USP34: variants seen among roughly 807,000 people sequenced by gnomAD.
USP34 encodes ubiquitin carboxyl-terminal hydrolase 34.
USP34 carries 70 observed loss-of-function variants against 460.3 expected under a neutral mutation model. The ratio of observed to expected loss-of-function variants is 0.15; its 90% CI spans 0.13 to 0.19. The LOEUF is 0.19. USP34 is among the 10% of genes least tolerant of loss of function. The pLI, the probability that USP34 is intolerant of heterozygous loss-of-function variation, is 1.00. For missense variants in USP34, 3,985 were observed against 4,236.2 expected (o/e 0.94, Z 1.65); for synonymous variants, 1,647 against 1,405.3 (o/e 1.17, Z -3.85).
At chr2:61,387,210 A>C (rs2442033) in intron 5 of USP34, among the ~76,000 whole-genome samples, 131,638 of 151,760 alleles carry the variant, frequency 0.87, 57,304 homozygotes, top group African/African-American at 0.92. Flanking sequence ...CCTGTAATCA[A>C]AGCACTTTGG....
chr2:61,469,412 T>A (rs748895812), intron 1 of USP34, among the ~76,000 whole-genome samples: 2 of 152,126 alleles, frequency 1.3e-5, no homozygotes, highest in East Asian at 3.8e-4. Context: ...TATCTCAAAA[T>A]ACACACAAAT....
chr2:61,387,727 A>G (rs1310958287), intron 5 of USP34, among the ~76,000 whole-genome samples: 3 of 148,272 alleles, frequency 2.0e-5, no homozygotes, highest in African/African-American at 7.4e-5. Flanking sequence ...TTACGTATAC[A>G]CACATGTAAA....
rs546128367 is a variant in USP34 at position 61,222,986 on chromosome 2, C to T, written c.7749+74G>A. The T allele has an allele frequency of 1.4e-3, 1,817 of 1,324,020 alleles. 2 individuals carry two copies. Among genetic ancestry groups the T allele is most frequent in the Non-Finnish European group, 1.8e-3 (1,743 of 962,652 alleles). The allele number at this position is 1,324,020 out of a possible 1,614,324, so 82.0% of individuals were successfully genotyped here. ...TGCTGGGATTACAGGCATGAGCCAC[C>T]GCACTCGGCCAGATTTCAGGGTATT... On this transcript the variant is annotated intron_variant, in intron 64 of 79. Coordinates refer to ENST00000398571, the MANE Select transcript of USP34 (RefSeq NM_014709.4).
chr2:61,291,309 G>A (rs528262039), intron 33 of USP34, among the ~76,000 whole-genome samples: 4 of 152,264 alleles, frequency 2.6e-5, no homozygotes, highest in Non-Finnish European at 5.9e-5. Context: ...TCTTGGAAAG[G>A]ATGTGGAGAA....
rs1422675891 is a variant in USP34 at position 61,447,062 on chromosome 2, G to A, written c.43+23588C>T. Among the ~76,000 whole-genome samples the A allele has an allele frequency of 4.6e-5, 7 of 151,710 alleles. 1 individual carries two copies. Among genetic ancestry groups the A allele is most frequent in the Admixed American group, 2.0e-4 (3 of 15,198 alleles). ...CTGAGGTCAGGAGTTCAAGACCAGC[G>A]TAGCTAACATGGTGAAACACTGTCT... On this transcript the variant is annotated intron_variant, in intron 1 of 79. Transcript: ENST00000398571.
rs374124815 is a variant in USP34 at position 61,229,473 on chromosome 2, A to ACC, written c.7199+74_7199+75insGG. The stretch of plus-strand genomic sequence containing the variant: ...CCTATCTCTTAAAAAAAAAAAAAAA[A>ACC]AACAAAAAAAAAAAACAAAAACACC... On this transcript the variant is annotated intron_variant, in intron 59 of 79. Transcript: ENST00000398571. 4.6e-4 allele frequency: 300 copies of ACC among 645,598 alleles called. 1 individual carries two copies. The Admixed American group carries it at 0.012, about 27-fold the overall frequency. 40.0% of individuals were successfully genotyped at this position (645,598 alleles called of 1,614,324 possible). A position where few individuals can be genotyped will look rare whatever the true frequency, so the allele number is the denominator to read the frequency against.
At chr2:61,262,475 G>A (rs1006199836) in intron 43 of USP34, among the ~76,000 whole-genome samples, 1 of 152,086 alleles carries the variant, frequency 6.6e-6, no homozygotes, top group Non-Finnish European at 1.5e-5. Flanking sequence ...TTAGGATAAT[G>A]GCCTCCAGTT....
intron 78 of USP34, 190 bp from the exon 79 acceptor site, chr2:61,189,259 GTTTT>G (rs11309952): frequency 9.8e-5 from 42 of 427,806 alleles, no homozygotes; most frequent in Middle Eastern, 6.5e-4. Context: ...TTCATTAGTT[GTTTT>G]TTTTTTTTGT....
At chr2:61,245,517 A>G (rs1379747378) in intron 50 of USP34, among the ~76,000 whole-genome samples, 3 of 151,930 alleles carry the variant, frequency 2.0e-5, no homozygotes, top group Non-Finnish European at 4.4e-5. Flanking sequence ...TAGGATTAAC[A>G]AAAGAATTCA....
chr2:61,283,555 A>T, intron 35 of USP34, 106 bp from the exon 36 acceptor site: 1 of 1,222,500 alleles, frequency 8.2e-7, no homozygotes, highest in Non-Finnish European at 1.1e-6. Flanking sequence ...CCCCCCAAAA[A>T]AGGAAAGCAG....
chr2:61,330,166 T>G (rs1393146781), intron 20 of USP34, among the ~76,000 whole-genome samples: 1 of 152,200 alleles, frequency 6.6e-6, no homozygotes, highest in Non-Finnish European at 1.5e-5. Context: ...GCTCTATTCT[T>G]TGTGTGTGAC....
intron 62 of USP34, among the ~76,000 whole-genome samples, chr2:61,224,607 C>T (rs1198661651): frequency 1.3e-5 from 2 of 152,132 alleles, no homozygotes; most frequent in African/African-American, 4.8e-5. Context: ...ATTTGGTTGC[C>T]ACGAAGTATA....
chr2:61,289,938 A>G (rs1042289370), intron 33 of USP34, among the ~76,000 whole-genome samples: 1 of 152,184 alleles, frequency 6.6e-6, no homozygotes, highest in Non-Finnish European at 1.5e-5. Context: ...TGCTGTCAGT[A>G]TAATGAAAAA....
At chr2:61,436,852 C>T (rs753620347) in intron 1 of USP34, among the ~76,000 whole-genome samples, 12 of 152,010 alleles carry the variant, frequency 7.9e-5, no homozygotes, top group Non-Finnish European at 1.3e-4. Context: ...TCTTCTCAGA[C>T]CACAATGGAA....
At chr2:61,232,339 T>C in intron 58 of USP34, 113 bp downstream of exon 58, 1 of 903,328 alleles carries the variant, frequency 1.1e-6, no homozygotes. Flanking sequence ...AGGCAGATCT[T>C]TTCAAACTAT....
chr2:61,202,770 C>G (rs892367941), intron 75 of USP34, among the ~76,000 whole-genome samples: 1 of 152,154 alleles, frequency 6.6e-6, no homozygotes, highest in Non-Finnish European at 1.5e-5. Context: ...TAGATCTCAT[C>G]GCACCCTCAA....
At chr2:61,415,672 G>C (rs998333376) in intron 2 of USP34, among the ~76,000 whole-genome samples, 1 of 151,996 alleles carries the variant, frequency 6.6e-6, no homozygotes, top group African/African-American at 2.4e-5. Context: ...GGGGACACAG[G>C]GACTTTATTA....
chr2:61,223,081 G>A lies in USP34; in HGVS notation c.7728C>T (p.Tyr2576=). 2 of 1,613,242 alleles carry A rather than the reference G, an allele frequency of 1.2e-6. No homozygotes were observed. Among genetic ancestry groups the A allele is most frequent in the Non-Finnish European group, 1.7e-6 (2 of 1,179,350 alleles). The part of the protein sequence containing the change: ...TCNLIFSLCR[Y]NNRLAEHIVS... ...TTACATGTTCTGCAAGTCGATTATTGTATCGACACAGGCTGAAAATCAGAT... is the reference window on the plus strand; with the variant it reads ...TTACATGTTCTGCAAGTCGATTATTATATCGACACAGGCTGAAAATCAGAT... Residue 2576 remains tyrosine (Y), a synonymous_variant, in exon 64 of 80, where the codon TAC becomes TAT. Transcript: ENST00000398571.
At chr2:61,301,967 G>C (rs537298400) in intron 27 of USP34, among the ~76,000 whole-genome samples, 1 of 151,736 alleles carries the variant, frequency 6.6e-6, no homozygotes, top group Non-Finnish European at 1.5e-5. Context: ...GGAAGGAAAG[G>C]AAAAAGGAAA....
Sources: gnomAD v4.1 joint callset for allele counts (sites outside exome capture counted in the v4.1 genomes callset) on GRCh38, gnomAD v4.1.1 for gene constraint, MANE v1.5 for transcripts, NCBI Gene and HGNC (gene_info 2026-07-23, HGNC 2026-07-21) for gene names.